PDIA5: variants seen among roughly 807,000 people sequenced by gnomAD.
PDIA5 encodes the protein protein disulfide isomerase family A member 5.
In PDIA5, 58 loss-of-function variants were observed where a neutral mutation model predicts 77.6. That is an observed-to-expected ratio of 0.75 (90% CI 0.61 to 0.93). The LOEUF (loss-of-function observed/expected upper bound fraction) is 0.93, where lower values mean the gene tolerates loss of function less well. Among genes scored for constraint, PDIA5 ranks in the 40% least tolerant of loss-of-function variants. PDIA5 has a pLI of 0.00. For missense variants in PDIA5, 630 were observed against 647.7 expected, an observed-to-expected ratio of 0.97 and a Z score of 0.30; for synonymous variants, 250 against 252.1, an observed-to-expected ratio of 0.99 and a Z score of 0.08.
intron 5 of PDIA5, among the ~76,000 whole-genome samples, chr3:123,103,231 T>C (rs537266884): frequency 1.3e-5 from 2 of 152,330 alleles, no homozygotes; most frequent in South Asian, 2.1e-4. Context: ...ATGGGTATCA[T>C]TGAGGAGTTC....
chr3:123,160,190 A>C (rs1442197189), intron 15 of PDIA5, among the ~76,000 whole-genome samples: 2 of 152,174 alleles, frequency 1.3e-5, no homozygotes, highest in Non-Finnish European at 1.5e-5. Flanking sequence ...ACTCATTCTC[A>C]TGGGAATCTG....
intron 5 of PDIA5, among the ~76,000 whole-genome samples, chr3:123,104,758 T>A (rs1210147572): frequency 6.6e-6 from 1 of 152,200 alleles, no homozygotes; most frequent in Non-Finnish European, 1.5e-5. Context: ...ACTGATGACC[T>A]CAGGGCCCAG....
At chr3:123,111,082 C>T (rs1934852369) in intron 7 of PDIA5, 78 bp downstream of exon 7, 6 of 478,554 alleles carry the variant, frequency 1.3e-5, no homozygotes, top group Admixed American at 2.5e-5. Flanking sequence ...GGGTTGCGGG[C>T]GGGGTCTGGG....
chr3:123,158,833 T>A (rs906216120), intron 15 of PDIA5, among the ~76,000 whole-genome samples: 1 of 152,154 alleles, frequency 6.6e-6, no homozygotes. Context: ...AATCTTGAGT[T>A]GGGTGTAAGG....
At chr3:123,098,810 T>C (rs538409711) in intron 3 of PDIA5, among the ~76,000 whole-genome samples, 14 of 152,326 alleles carry the variant, frequency 9.2e-5, no homozygotes, top group Non-Finnish European at 2.1e-4. Context: ...TGACCCATGG[T>C]GCATTCTCCA....
At chr3:123,070,474 G>T (rs1458536356) in intron 1 of PDIA5, among the ~76,000 whole-genome samples, 1 of 152,120 alleles carries the variant, frequency 6.6e-6, no homozygotes, top group African/African-American at 2.4e-5. Context: ...TGTTGCTTTG[G>T]GAACCCTTAG....
intron 1 of PDIA5, among the ~76,000 whole-genome samples, chr3:123,077,485 CTTGG>C (rs1933883965): frequency 6.6e-6 from 1 of 152,042 alleles, no homozygotes; most frequent in Non-Finnish European, 1.5e-5. Context: ...AGTTAGCCCC[CTTGG>C]CTGCCACTAG....
rs1935680636 is a variant in PDIA5 at position 123,143,142 on chromosome 3, T to G, written c.911-2380T>G. 2.3e-5 allele frequency among the ~76,000 whole-genome samples: 3 copies of G among 130,832 alleles called. No homozygotes were observed. In the South Asian group the frequency reaches 8.5e-4, roughly 37 times the overall value. 85.8% of individuals were successfully genotyped at this position (130,832 alleles called of 152,430 possible). A position where few individuals can be genotyped will look rare whatever the true frequency, so the allele number is the denominator to read the frequency against. On this transcript the variant is annotated intron_variant, in intron 11 of 16. Transcript: ENST00000316218. ...TGGCTCACACCTGTAATCTCAGCAC[T>G]TTGGGAGGCCAAGGTGGGTGGATCA...
In PDIA5 at chr3:123,067,577, T is replaced by G. The variant is rs559265618; in HGVS notation, c.42+371T>G. 13 of 262,898 alleles carry G rather than the reference T, an allele frequency of 4.9e-5. No individual in the cohort carries two copies. The South Asian group carries it at 2.1e-3, about 42-fold the overall frequency. The allele number at this position is 262,898 out of a possible 1,614,324, so 16.3% of individuals were successfully genotyped here. A position where few individuals can be genotyped will look rare whatever the true frequency, so the allele number is the denominator to read the frequency against. On this transcript the variant is annotated intron_variant, in intron 1 of 16. Coordinates refer to ENST00000316218, the MANE Select transcript of PDIA5 (RefSeq NM_006810.4). ...CCAGACTCCGAGCCCTGCACCTGTG[T>G]GAGTGCGGGGTGGGATGGGGGTGCT...
intron 3 of PDIA5, among the ~76,000 whole-genome samples, chr3:123,094,298 G>A (rs192304858): frequency 3.9e-4 from 60 of 152,332 alleles, no homozygotes; most frequent in Non-Finnish European, 6.2e-4. Flanking sequence ...GTGAATTATG[G>A]AGCCAAAGTA....
intron 1 of PDIA5, among the ~76,000 whole-genome samples, chr3:123,088,479 G>T (rs1560503190): frequency 6.6e-6 from 1 of 152,178 alleles, no homozygotes; most frequent in South Asian, 2.1e-4. Flanking sequence ...ATGCTTTGGT[G>T]CTTCTAGATG....
At chr3:123,136,847 G>C (rs115599802) in intron 11 of PDIA5, among the ~76,000 whole-genome samples, 1,523 of 151,570 alleles carry the variant, frequency 0.01, 32 homozygotes, top group African/African-American at 0.035. Flanking sequence ...AATAGGTCTC[G>C]AAGATATTTT....
At chr3:123,109,460 G>T (rs986222299) in intron 6 of PDIA5, among the ~76,000 whole-genome samples, 4 of 152,078 alleles carry the variant, frequency 2.6e-5, no homozygotes, top group African/African-American at 9.7e-5. Flanking sequence ...CGTAGTTAGG[G>T]TTAAATATCT....
chr3:123,075,096 T>C (rs565837527), intron 1 of PDIA5, among the ~76,000 whole-genome samples: 4 of 152,388 alleles, frequency 2.6e-5, no homozygotes, highest in African/African-American at 7.2e-5. Flanking sequence ...GTAGCAATCT[T>C]ATATCAGGAT....
intron 1 of PDIA5, among the ~76,000 whole-genome samples, chr3:123,087,350 TTTTTTC>T (rs1364855046): frequency 6.6e-6 from 1 of 151,964 alleles, no homozygotes; most frequent in Non-Finnish European, 1.5e-5. Flanking sequence ...TTCCTCTTTT[TTTTTTC>T]TTTTTCTTTT....
At chr3:123,135,195 C>G (rs1935470097) in intron 11 of PDIA5, among the ~76,000 whole-genome samples, 1 of 152,198 alleles carries the variant, frequency 6.6e-6, no homozygotes, top group South Asian at 2.1e-4. Flanking sequence ...TTTTGTCCCT[C>G]TCTAGTAACT....
chr3:123,146,395 C>T (rs1935774165), intron 13 of PDIA5, 136 bp downstream of exon 13: 2 of 715,862 alleles, frequency 2.8e-6, no homozygotes, highest in East Asian at 2.6e-5. Flanking sequence ...ATCTGACTTC[C>T]TCAACCCTAA....
chr3:123,088,579 G>A (rs921827853), intron 1 of PDIA5, among the ~76,000 whole-genome samples: 1 of 152,224 alleles, frequency 6.6e-6, no homozygotes, highest in African/African-American at 2.4e-5. Flanking sequence ...GCTCTCGACT[G>A]ATGTGTAACA....
At position 123,154,980 on chromosome 3, in the gene PDIA5, A is replaced by G. The variant is rs150216334; in HGVS notation, c.1283A>G (p.His428Arg). 1.9e-5 allele frequency: 31 copies of G among 1,607,886 alleles called. No individual in the cohort carries two copies. Among genetic ancestry groups the G allele is most frequent in the Non-Finnish European group, 2.3e-5 (27 of 1,174,332 alleles). ...TTCCCCTCTCACACAGGGTGCCCACACTGTAAGAAGGTCATTCCGCACTTT... is the reference window on the plus strand; with the variant it reads ...TTCCCCTCTCACACAGGGTGCCCACGCTGTAAGAAGGTCATTCCGCACTTT... ...LVMFYAPWCP[H>R]CKKVIPHFTA... is the part of the protein sequence containing the mutation. Residue 428 changes from histidine (H) to arginine (R), a missense_variant, in exon 15 of 17, where the codon CAC becomes CGC. Coordinates refer to ENST00000316218, the MANE Select transcript of PDIA5 (RefSeq NM_006810.4).
Sources: allele counts gnomAD v4.1 joint callset (sites outside exome capture counted in the v4.1 genomes callset), GRCh38; gene constraint gnomAD v4.1.1; transcripts MANE v1.5; gene names NCBI Gene and HGNC (gene_info 2026-07-23, HGNC 2026-07-21).